ATXN1: variants seen among roughly 807,000 people sequenced by gnomAD.
The protein encoded by ATXN1 is ataxin 1.
A neutral mutation model predicts 56.4 loss-of-function variants in ATXN1; 8 were observed. The ratio of observed to expected loss-of-function variants is 0.14; its 90% CI spans 0.08 to 0.26. The LOEUF (loss-of-function observed/expected upper bound fraction) is 0.26, where lower values mean the gene tolerates loss of function less well. Among genes scored for constraint, ATXN1 ranks in the 10% least tolerant of loss-of-function variants. The pLI is 1.00. For synonymous variants in ATXN1, 514 were observed against 494.6 expected (o/e 1.04, Z -0.52); for missense variants, 987 against 1,106.5 (o/e 0.89, Z 1.53).
At chr6:16,535,351 G>A (rs541506154) in intron 4 of ATXN1, among the ~76,000 whole-genome samples, 2 of 152,300 alleles carry the variant, frequency 1.3e-5, no homozygotes, top group South Asian at 4.1e-4. Flanking sequence ...TGAGCATGGA[G>A]CATCTTGTAG....
chr6:16,353,087 A>C (rs1326170623), intron 6 of ATXN1, among the ~76,000 whole-genome samples: 2 of 152,184 alleles, frequency 1.3e-5, no homozygotes, highest in African/African-American at 2.4e-5. Context: ...TTATCATGCT[A>C]CTGAGAACAG....
intron 6 of ATXN1, among the ~76,000 whole-genome samples, chr6:16,341,951 C>T (rs1184381200): frequency 2.1e-5 from 3 of 143,394 alleles, no homozygotes; most frequent in South Asian, 2.2e-4. Context: ...GGTGCAGTCT[C>T]GGCTCACTGC....
At chr6:16,593,858 CATATAT>C (rs58000476) in intron 3 of ATXN1, among the ~76,000 whole-genome samples, 4,333 of 143,314 alleles carry the variant, frequency 0.03, 181 homozygotes, top group African/African-American at 0.1. Context: ...TGTGTGTGTG[CATATAT>C]ATATATATAT....
At chr6:16,556,395 C>T (rs1762014567) in intron 4 of ATXN1, among the ~76,000 whole-genome samples, 2 of 152,146 alleles carry the variant, frequency 1.3e-5, no homozygotes, top group South Asian at 2.1e-4. Flanking sequence ...CTTTTTACTT[C>T]GTTGGCAAAA....
intron 4 of ATXN1, among the ~76,000 whole-genome samples, chr6:16,571,263 T>C (rs1021630979): frequency 6.6e-6 from 1 of 152,146 alleles, no homozygotes; most frequent in Non-Finnish European, 1.5e-5. Flanking sequence ...TATTTTTACA[T>C]AGAACCATTG....
At chr6:16,398,451 A>C (rs889831344) in intron 6 of ATXN1, among the ~76,000 whole-genome samples, 4 of 152,352 alleles carry the variant, frequency 2.6e-5, no homozygotes, top group Middle Eastern at 3.4e-3. Flanking sequence ...TGGTGAAAAT[A>C]ATATATATGT....
chr6:16,649,972 G>A (rs753837389), intron 3 of ATXN1, among the ~76,000 whole-genome samples: 3 of 150,644 alleles, frequency 2.0e-5, no homozygotes, highest in Non-Finnish European at 4.4e-5. Flanking sequence ...TCCTTGAGAC[G>A]AGCTCTCTAT....
At chr6:16,312,655 A>G (rs1004210422) in intron 7 of ATXN1, among the ~76,000 whole-genome samples, 2 of 152,174 alleles carry the variant, frequency 1.3e-5, no homozygotes, top group African/African-American at 4.8e-5. Flanking sequence ...GTTAGAGACC[A>G]GTCTGGCCAA....
At chr6:16,651,341 G>C (rs1209534708) in intron 3 of ATXN1, among the ~76,000 whole-genome samples, 8 of 152,136 alleles carry the variant, frequency 5.3e-5, no homozygotes, top group Non-Finnish European at 1.0e-4. Context: ...TCAGGAGTTT[G>C]AGACCAACCT....
At chr6:16,701,973 G>A (rs987293033) in intron 2 of ATXN1, among the ~76,000 whole-genome samples, 1 of 151,922 alleles carries the variant, frequency 6.6e-6, no homozygotes, top group Non-Finnish European at 1.5e-5. Flanking sequence ...TCACAGAATT[G>A]GAAAAAACTA....
intron 6 of ATXN1, among the ~76,000 whole-genome samples, chr6:16,435,682 A>G (rs1283086802): frequency 6.6e-6 from 1 of 152,074 alleles, no homozygotes; most frequent in Non-Finnish European, 1.5e-5. Flanking sequence ...GGGGAAAAAG[A>G]GCAAGCTGAA....
intron 3 of ATXN1, among the ~76,000 whole-genome samples, chr6:16,617,955 GATAAAT>G (rs1190917020): frequency 6.6e-6 from 1 of 150,782 alleles, no homozygotes; most frequent in Non-Finnish European, 1.5e-5. Context: ...CAAAATAAAC[GATAAAT>G]ATAAACTATG....
chr6:16,572,345 G>A (rs1270374256), intron 4 of ATXN1, among the ~76,000 whole-genome samples: 1 of 152,180 alleles, frequency 6.6e-6, no homozygotes, highest in Non-Finnish European at 1.5e-5. Context: ...CTGAGAAAGG[G>A]ACGGAGATCT....
In ATXN1 at chr6:16,306,154, A is replaced by G; in HGVS notation, c.*175T>C. On this transcript the variant is annotated 3_prime_UTR_variant, in exon 8 of 8. Coordinates refer to ENST00000436367, the MANE Select transcript of ATXN1 (RefSeq NM_001128164.2). This position sits in a 1 kb window ranked among gnomAD's most constrained non-coding sequence, Gnocchi z 5.2. Reference sequence around the variant, plus strand: ...GCTCACTGACAGACACTCGTGGAAAAAGCATATGCACCAGTCTCCTGCGAC... The same window carrying G: ...GCTCACTGACAGACACTCGTGGAAAGAGCATATGCACCAGTCTCCTGCGAC... 2 of 781,026 alleles carry G rather than the reference A, an allele frequency of 2.6e-6. No individual in the cohort carries two copies. The highest frequency in any genetic ancestry group is 2.0e-6 in the Non-Finnish European group (1 of 510,928). 48.4% of individuals were successfully genotyped at this position (781,026 alleles called of 1,614,324 possible). A position where few individuals can be genotyped will look rare whatever the true frequency, so the allele number is the denominator to read the frequency against.
chr6:16,661,257 C>T, intron 2 of ATXN1, among the ~76,000 whole-genome samples: 1 of 152,022 alleles, frequency 6.6e-6, no homozygotes, highest in Admixed American at 6.5e-5. Context: ...AACATATAAA[C>T]ATGTGTTTAT....
intron 6 of ATXN1, among the ~76,000 whole-genome samples, chr6:16,471,225 T>G (rs1236998047): frequency 1.5e-5 from 2 of 136,500 alleles, no homozygotes; most frequent in Admixed American, 1.5e-4. Flanking sequence ...CACACACAAT[T>G]CAAAACTTGA....
chr6:16,337,486 G>A (rs1014056574), intron 6 of ATXN1, among the ~76,000 whole-genome samples: 1 of 152,214 alleles, frequency 6.6e-6, no homozygotes, highest in African/African-American at 2.4e-5. Flanking sequence ...CTGGCGGCCT[G>A]CCCATGCCGG....
chr6:16,416,091 CAAAA>C (rs372133593), intron 6 of ATXN1, among the ~76,000 whole-genome samples: 1 of 110,536 alleles, frequency 9.0e-6, no homozygotes, highest in Non-Finnish European at 1.8e-5. Context: ...ACCAAGCTTT[CAAAA>C]AAAAAAAAAA....
chr6:16,517,646 T>A (rs1273598310), intron 5 of ATXN1, among the ~76,000 whole-genome samples: 2 of 151,834 alleles, frequency 1.3e-5, no homozygotes, highest in African/African-American at 4.8e-5. Context: ...AACAAATAAG[T>A]GAAGTATTAC....
Sources: allele counts gnomAD v4.1 joint callset (sites outside exome capture counted in the v4.1 genomes callset), GRCh38; gene constraint gnomAD v4.1.1; non-coding constraint Gnocchi (gnomAD v3.1); transcripts MANE v1.5; gene names NCBI Gene and HGNC (gene_info 2026-07-23, HGNC 2026-07-21).